MEGF8: variants seen among roughly 807,000 people sequenced by gnomAD.
MEGF8 encodes the protein multiple epidermal growth factor-like domains protein 8.
Under a neutral mutation model 302.9 loss-of-function variants are expected in MEGF8, and 156 were observed. The ratio of observed to expected loss-of-function variants is 0.52; its 90% CI spans 0.45 to 0.59. The LOEUF is 0.59. Ranked by LOEUF, MEGF8 falls within the 20% of genes least tolerant of loss-of-function variation. MEGF8 has a pLI of 0.00. For missense variants in MEGF8, 3,345 were observed against 3,964.5 expected, an observed-to-expected ratio of 0.84 and a Z score of 4.20; for synonymous variants, 1,621 against 1,660.5, an observed-to-expected ratio of 0.98 and a Z score of 0.58.
In MEGF8 at chr19:42,337,190, G is replaced by T. The variant is rs374205876; in HGVS notation, c.1497G>T (p.Pro499=). 2.7e-5 allele frequency: 44 copies of T among 1,613,634 alleles called. 1 individual carries two copies. The South Asian group carries it at 4.3e-4, about 16-fold the overall frequency. The change falls in exon 8 of 42, where the codon CCG becomes CCT. Residue 499 remains proline, a synonymous_variant. Coordinates refer to ENST00000251268, the MANE Select transcript of MEGF8 (RefSeq NM_001271938.2). ...GGGTGTCAGGAGCTGAGCTTGCCCC[G>T]CCAGGAACCCCTGAGGGTGAGTGGT... is the stretch of plus-strand genomic sequence containing the variant. The part of the protein sequence containing the change: ...HQWVSGAELA[P]PGTPEGRAAP...
At position 42,335,282 on chromosome 19, in the gene MEGF8, T is replaced by C. The variant is rs2039110714; in HGVS notation, c.740-15T>C. The C allele has an allele frequency of 4.3e-6, 7 of 1,613,982 alleles. No individual in the cohort carries two copies. Among genetic ancestry groups the C allele is most frequent in the Non-Finnish European group, 5.9e-6 (7 of 1,179,850 alleles). On this transcript the variant is annotated splice_polypyrimidine_tract_variant and intron_variant, in intron 4 of 41. Transcript: ENST00000251268. ...AGCCTATGGCCAGGGCATGAGACTA[T>C]CCACCCCTCCACAGGCCAGGACCTC...
chr19:42,328,108 A>G (rs561662528), intron 1 of MEGF8, among the ~76,000 whole-genome samples: 3 of 152,274 alleles, frequency 2.0e-5, no homozygotes, highest in Non-Finnish European at 2.9e-5. Flanking sequence ...AAAAACATAG[A>G]ATACAAGACA....
In MEGF8 at chr19:42,351,741, G is replaced by A. The variant is rs1439267054; in HGVS notation, c.3081G>A (p.Glu1027=). The stretch of plus-strand genomic sequence containing the variant: ...ACGAGTGTGGCTGGTGTGGCAATGA[G>A]GACAACCCCACACTGGGACGGTGAG... The part of the protein sequence containing the change: ...QSHECGWCGN[E]DNPTLGRCLQ... Residue 1027 remains glutamate (E), a synonymous_variant, in exon 18 of 42, where the codon GAG becomes GAA. Coordinates refer to ENST00000251268, the MANE Select transcript of MEGF8 (RefSeq NM_001271938.2). The surrounding 1 kb of genome is among the most constrained non-coding windows in gnomAD (Gnocchi z 5.6). 1.9e-6 allele frequency: 3 copies of A among 1,582,510 alleles called. No homozygotes were observed. The highest frequency in any genetic ancestry group is 2.6e-6 in the Non-Finnish European group (3 of 1,165,424).
chr19:42,351,353 A>C lies in MEGF8; in HGVS notation c.2855+19A>C. The C allele has an allele frequency of 6.4e-7, 1 of 1,567,998 alleles. No homozygotes were observed. The highest frequency in any genetic ancestry group is 1.3e-5 in the African/African-American group (1 of 74,086). Reference sequence around the variant, plus strand: ...GCAGCCAGTGAGTCAGGCTGGGTGCAGGGAGTGGGTGGGTGGATGTGCCTG... The same window carrying C: ...GCAGCCAGTGAGTCAGGCTGGGTGCCGGGAGTGGGTGGGTGGATGTGCCTG... On this transcript the variant is annotated intron_variant, in intron 16 of 41. Coordinates refer to ENST00000251268, the MANE Select transcript of MEGF8 (RefSeq NM_001271938.2). The surrounding 1 kb of genome is among the most constrained non-coding windows in gnomAD (Gnocchi z 5.6).
Position 42,375,988 on chromosome 19 carries a change from C to T in MEGF8, c.7751C>T (p.Ser2584Leu), listed in dbSNP as rs372348183. ...LITYVTVTEP[S>L]AVLVVRGVRD... Reference sequence around the variant, plus strand: ...ACCTACGTGACGGTGACGGAGCCGTCGGCAGTGCTGGTGGTCCGCGGCGTG... The same window carrying T: ...ACCTACGTGACGGTGACGGAGCCGTTGGCAGTGCTGGTGGTCCGCGGCGTG... Residue 2584 changes from serine to leucine, a missense_variant, in exon 42 of 42, where the codon TCG becomes TTG. Transcript: ENST00000251268. This position sits in a 1 kb window ranked among gnomAD's most constrained non-coding sequence, Gnocchi z 7.1. 1.1e-5 allele frequency: 18 copies of T among 1,606,926 alleles called. No homozygotes were observed. The highest frequency in any genetic ancestry group is 4.5e-5 in the East Asian group (2 of 44,792).
At position 42,349,638 on chromosome 19, in the gene MEGF8, C is replaced by T. The variant is rs2039340282; in HGVS notation, c.2438C>T (p.Ala813Val). The change falls in exon 14 of 42, where the codon GCA becomes GTA. Residue 813 changes from alanine (A) to valine (V), a missense_variant. Physicochemically the swap from Ala to Val is moderately conservative, Grantham distance 64. Coordinates refer to ENST00000251268, the MANE Select transcript of MEGF8 (RefSeq NM_001271938.2). ...ATCCAGGGCCAGCTCAATGGCTCGG[C>T]AGGCCCTGGGCACAGCGAGCTAACT... The part of the protein sequence containing the change: ...VEIQGQLNGS[A>V]GPGHSELTLL... 1 of 1,611,964 alleles carries T rather than the reference C, an allele frequency of 6.2e-7. No individual in the cohort carries two copies. Among genetic ancestry groups the T allele is most frequent in the Admixed American group, 1.7e-5 (1 of 59,984 alleles).
chr19:42,351,261 G>A lies in MEGF8; in HGVS notation c.2782G>A (p.Ala928Thr), dbSNP rs372083317. 167 of 1,572,658 alleles carry A rather than the reference G, an allele frequency of 1.1e-4. No individual in the cohort carries two copies. The highest frequency in any genetic ancestry group is 2.1e-4 in the Admixed American group (11 of 53,306). Residue 928 changes from alanine to threonine, a missense_variant, in exon 16 of 42, where the codon GCG becomes ACG. Ala to Thr is a moderately conservative substitution (Grantham distance 58). Transcript: ENST00000251268. This position sits in a 1 kb window ranked among gnomAD's most constrained non-coding sequence, Gnocchi z 5.6. ...WHQSTSRKGD[A>T]ACSRRGRGRG... ...TCAGAGCACCAGCCGCAAAGGGGACGCGGCATGCAGCCGGCGGGGCCGGGG... is the reference window on the plus strand; with the variant it reads ...TCAGAGCACCAGCCGCAAAGGGGACACGGCATGCAGCCGGCGGGGCCGGGG...
rs1171099078 is a variant in MEGF8, at chr19:42,362,370, T to C, written c.5845-14T>C. The C allele has an allele frequency of 6.2e-7, 1 of 1,613,784 alleles. No individual in the cohort carries two copies. Among genetic ancestry groups the C allele is most frequent in the East Asian group, 2.2e-5 (1 of 44,870 alleles). On this transcript the variant is annotated splice_polypyrimidine_tract_variant and intron_variant, in intron 33 of 41. Coordinates refer to ENST00000251268, the MANE Select transcript of MEGF8 (RefSeq NM_001271938.2). Reference sequence around the variant, plus strand: ...GGTGCTGAGGGTCCCATCTAGCCTGTCTTCCCTCACCAGGCGTCCACCCCC... The same window carrying C: ...GGTGCTGAGGGTCCCATCTAGCCTGCCTTCCCTCACCAGGCGTCCACCCCC...
rs1568580089 is a variant in MEGF8, at chr19:42,375,846, CCCCCTG to C, written c.7611_7616del (p.Pro2538_Ala2539del). On this transcript the variant is annotated inframe_deletion, in exon 42 of 42. Transcript: ENST00000251268. The surrounding 1 kb of genome is among the most constrained non-coding windows in gnomAD (Gnocchi z 7.1). ...ACCCCCAGCCCCACCACCTCCACCA[CCCCCTG>C]CAGATGGTGGGCCCCGGGGGGCTGG... is the stretch of plus-strand genomic sequence containing the variant. 9 of 1,609,624 alleles carry C rather than the reference CCCCCTG, an allele frequency of 5.6e-6. No homozygotes were observed. Among genetic ancestry groups the C allele is most frequent in the Non-Finnish European group, 7.6e-6 (9 of 1,178,568 alleles).
At position 42,326,441 on chromosome 19, in the gene MEGF8, C is replaced by A. The variant is rs761236931; in HGVS notation, c.187+11C>A. 4 of 1,522,012 alleles carry A rather than the reference C, an allele frequency of 2.6e-6. No individual in the cohort carries two copies. The South Asian group carries it at 3.8e-5, about 15-fold the overall frequency. 94.3% of individuals were successfully genotyped at this position (1,522,012 alleles called of 1,614,324 possible). A position where few individuals can be genotyped will look rare whatever the true frequency, so the allele number is the denominator to read the frequency against. On this transcript the variant is annotated intron_variant, in intron 1 of 41. Transcript: ENST00000251268. ...AGTGGCTCATCGAGGGTGAGTGGGG[C>A]CGCGTGGGTCACTCACTAATTCGCT...
chr19:42,357,365 C>T lies in MEGF8; in HGVS notation c.4831-39C>T. The stretch of plus-strand genomic sequence containing the variant: ...TTCTACCCACAAGGTGACCCCTGAC[C>T]TCTAGCCCCATCGGTGACCTTGCCC... On this transcript the variant is annotated intron_variant, in intron 27 of 41. Coordinates refer to ENST00000251268, the MANE Select transcript of MEGF8 (RefSeq NM_001271938.2). This position sits in a 1 kb window ranked among gnomAD's most constrained non-coding sequence, Gnocchi z 5.2. 6.2e-7 allele frequency: 1 copy of T among 1,604,012 alleles called. No individual in the cohort carries two copies. Among genetic ancestry groups the T allele is most frequent in the Non-Finnish European group, 8.5e-7 (1 of 1,174,074 alleles).
chr19:42,344,750 G>C lies in MEGF8; in HGVS notation c.2014G>C (p.Glu672Gln), dbSNP rs139182618. 1.9e-6 allele frequency: 3 copies of C among 1,612,430 alleles called. No individual in the cohort carries two copies. In the East Asian group the frequency reaches 6.7e-5, roughly 36 times the overall value. Reference protein sequence around the residue: ...GPAPVFVTSLEACVTQSFLPG... With the variant: ...GPAPVFVTSLQACVTQSFLPG... ...TGCGCCTGTCTTCGTCACGTCCCTGGAGGCCTGCGTCACCCAGAGCTTCCT... is the reference window on the plus strand; with the variant it reads ...TGCGCCTGTCTTCGTCACGTCCCTGCAGGCCTGCGTCACCCAGAGCTTCCT... The change falls in exon 12 of 42, where the codon GAG (glutamate) becomes CAG (glutamine). Residue 672 changes from glutamate (E) to glutamine (Q), a missense_variant. Glu to Gln is a conservative substitution (Grantham distance 29). Coordinates refer to ENST00000251268, the MANE Select transcript of MEGF8 (RefSeq NM_001271938.2). This position sits in a 1 kb window ranked among gnomAD's most constrained non-coding sequence, Gnocchi z 4.5.
chr19:42,331,580 T>C (rs1378443746), intron 1 of MEGF8, among the ~76,000 whole-genome samples: 3 of 152,282 alleles, frequency 2.0e-5, no homozygotes, highest in East Asian at 3.9e-4. Context: ...TTCTTTTTTT[T>C]TTTTTTGAAA....
Position 42,326,373 on chromosome 19 carries a change from G to C in MEGF8, c.130G>C (p.Val44Leu). Residue 44 changes from valine to leucine, a missense_variant, in exon 1 of 42, where the codon GTG (valine) becomes CTG (leucine). Physicochemically the swap from Val to Leu is conservative, Grantham distance 32. Transcript: ENST00000251268. ...RQVLREAPGFVTDGAGNYSVN... is the reference protein window; with the variant it reads ...RQVLREAPGFLTDGAGNYSVN... The stretch of plus-strand genomic sequence containing the variant: ...GGTGCTGCGGGAGGCGCCAGGCTTC[G>C]TGACGGATGGTGCGGGCAACTACAG... 2 of 1,584,868 alleles carry C rather than the reference G, an allele frequency of 1.3e-6. No individual in the cohort carries two copies. Among genetic ancestry groups the C allele is most frequent in the South Asian group, 1.1e-5 (1 of 87,176 alleles).
intron 12 of MEGF8, among the ~76,000 whole-genome samples, chr19:42,346,994 AAAAAAAAAAAAG>A (rs2039299271): frequency 2.7e-5 from 4 of 150,710 alleles, no homozygotes; most frequent in African/African-American, 9.7e-5. Flanking sequence ...CAAAAAAAAA[AAAAAAAAAAAAG>A]AAAAAGAAAA....
In MEGF8 at chr19:42,362,538, A is replaced by T; in HGVS notation, c.5999A>T (p.Asp2000Val). Residue 2000 changes from aspartate to valine, a missense_variant, in exon 34 of 42, where the codon GAC becomes GTC. Physicochemically the swap from Asp to Val is radical, Grantham distance 152 (BLOSUM62 -3). Transcript: ENST00000251268. ...TCCGAGGCTGCGTGCGGGGCTGCTG[A>T]CTGCGAGCAGTGCACGCGGGAGGGC... is the stretch of plus-strand genomic sequence containing the variant. ...NCSEAACGAA[D>V]CEQCTREGKC... 1 of 1,613,702 alleles carries T rather than the reference A, an allele frequency of 6.2e-7. No individual in the cohort carries two copies. Among genetic ancestry groups the T allele is most frequent in the South Asian group, 1.1e-5 (1 of 91,084 alleles).
Position 42,368,519 on chromosome 19 carries a change from G to T in MEGF8, c.6338G>T (p.Gly2113Val). The T allele has an allele frequency of 6.2e-7, 1 of 1,608,444 alleles. No individual in the cohort carries two copies. The highest frequency in any genetic ancestry group is 8.5e-7 in the Non-Finnish European group (1 of 1,178,190). Residue 2113 changes from glycine to valine, a missense_variant, in exon 36 of 42, where the codon GGA becomes GTA. Transcript: ENST00000251268. This position sits in a 1 kb window ranked among gnomAD's most constrained non-coding sequence, Gnocchi z 4.9. Reference protein sequence around the residue: ...MAGGCGRLLRGPESCSLGCAQ... With the variant: ...MAGGCGRLLRVPESCSLGCAQ... ...GGAGGCTGTGGGCGGCTGCTCCGGG[G>T]ACCTGAGAGCTGCTCCCTGGGCTGT...
chr19:42,360,885 C>A lies in MEGF8; in HGVS notation c.5599C>A (p.Leu1867Met). The change falls in exon 32 of 42, where the codon CTG (leucine) becomes ATG (methionine). Residue 1867 changes from leucine (L) to methionine (M), a missense_variant. Transcript: ENST00000251268. ...GGFGGVALGR[L>M]LALTLPPDPC... ...TTTCGGGGGAGTGGCCCTGGGCCGC[C>A]TGCTGGCACTGACCCTGCCCCCTGA... The A allele has an allele frequency of 6.2e-7, 1 of 1,613,510 alleles. No individual in the cohort carries two copies. The highest frequency in any genetic ancestry group is 1.1e-5 in the South Asian group (1 of 91,076).
chr19:42,362,436 T>C lies in MEGF8; in HGVS notation c.5897T>C (p.Ile1966Thr), dbSNP rs1385173325. The C allele has an allele frequency of 1.2e-6, 2 of 1,614,016 alleles. No individual in the cohort carries two copies. Among genetic ancestry groups the C allele is most frequent in the Non-Finnish European group, 8.5e-7 (1 of 1,179,890 alleles). ...ACCAACTGCCCCGAAGGTGCTTGCA[T>C]TGGACGCAATGGGTCCTGCACCTCT... is the stretch of plus-strand genomic sequence containing the variant. ...WCTNCPEGAC[I>T]GRNGSCTSEN... The change falls in exon 34 of 42, where the codon ATT (isoleucine) becomes ACT (threonine). Residue 1966 changes from isoleucine (I) to threonine (T), a missense_variant. By Grantham distance (89) the Ile-to-Thr change is moderately conservative. Coordinates refer to ENST00000251268, the MANE Select transcript of MEGF8 (RefSeq NM_001271938.2).
Sources: allele counts gnomAD v4.1 joint callset (sites outside exome capture counted in the v4.1 genomes callset), GRCh38; gene constraint gnomAD v4.1.1; non-coding constraint Gnocchi (gnomAD v3.1); transcripts MANE v1.5; gene names NCBI Gene and HGNC (gene_info 2026-07-23, HGNC 2026-07-21).